Variants in DCDC1 observed in about 807,000 individuals in gnomAD.
The protein encoded by DCDC1 is doublecortin domain-containing protein 1.
DCDC1 carries 200 observed loss-of-function variants against 178.3 expected under a neutral mutation model. That is an observed-to-expected ratio of 1.12 (90% CI 1.00 to 1.26). The LOEUF is 1.26. DCDC1 is among the 50% of genes most tolerant of loss of function. DCDC1 has a pLI of 0.00. For synonymous variants in DCDC1, 690 were observed against 604.8 expected (o/e 1.14, Z -2.07); for missense variants, 1,983 against 1,749.2 (o/e 1.13, Z -2.38).
chr11:31,326,657 A>C (rs1195702352), intron 3 of DCDC1, among the ~76,000 whole-genome samples: 3 of 152,158 alleles, frequency 2.0e-5, no homozygotes, highest in Non-Finnish European at 4.4e-5. Context: ...GCTAATATGC[A>C]CTTATAGCTG....
chr11:31,338,914 T>C (rs1417623106), intron 1 of DCDC1, among the ~76,000 whole-genome samples: 1 of 152,206 alleles, frequency 6.6e-6, no homozygotes, highest in Non-Finnish European at 1.5e-5. Context: ...ATGTAAACTT[T>C]ACATTGTAAG....
chr11:31,251,206 A>C (rs1944006427), intron 8 of DCDC1, among the ~76,000 whole-genome samples: 1 of 152,222 alleles, frequency 6.6e-6, no homozygotes, highest in South Asian at 2.1e-4. Flanking sequence ...AAGTCGTTTT[A>C]TTAATTGCAG....
chr11:31,309,138 ATGTTTG>A (rs1333890499), intron 3 of DCDC1, among the ~76,000 whole-genome samples: 2,775 of 55,392 alleles, frequency 0.05, 88 homozygotes, highest in African/African-American at 0.19. Flanking sequence ...GGGAAAATAG[ATGTTTG>A]TGTGTGTGTG....
rs1450425024 is a variant in DCDC1 at position 30,863,739 on chromosome 11, A to G, written c.*1634T>C. ...GAAGTCCAGATTACGTATCCCCCAC[A>G]CCTTAAAGATTATGGAAATGAGAAA... On this transcript the variant is annotated 3_prime_UTR_variant, in exon 39 of 39. Transcript: ENST00000684477. 1 of 152,200 alleles carries G rather than the reference A, an allele frequency of 6.6e-6. No individual in the cohort carries two copies. Among genetic ancestry groups the G allele is most frequent in the Non-Finnish European group, 1.5e-5 (1 of 68,034 alleles). 9.4% of individuals were successfully genotyped at this position (152,200 alleles called of 1,614,324 possible).
intron 6 of DCDC1, among the ~76,000 whole-genome samples, chr11:31,291,669 A>G (rs1947238934): frequency 6.6e-6 from 1 of 152,204 alleles, no homozygotes; most frequent in African/African-American, 2.4e-5. Context: ...TGTGCATTCA[A>G]TTTATTTTAA....
intron 20 of DCDC1, among the ~76,000 whole-genome samples, chr11:31,007,926 A>C (rs1268446035): frequency 6.6e-6 from 1 of 151,984 alleles, no homozygotes; most frequent in Non-Finnish European, 1.5e-5. Context: ...GCCTCCCAAA[A>C]TGTTGGGATT....
intron 9 of DCDC1, among the ~76,000 whole-genome samples, chr11:31,202,691 A>C (rs1971431087): frequency 6.6e-6 from 1 of 152,196 alleles, no homozygotes; most frequent in Non-Finnish European, 1.5e-5. Context: ...GCTCAAAACC[A>C]AGATAACCAA....
intron 7 of DCDC1, among the ~76,000 whole-genome samples, chr11:31,267,262 C>G (rs1315066056): frequency 6.6e-6 from 1 of 151,932 alleles, no homozygotes. Flanking sequence ...ACGATCTCAG[C>G]TCACCGCAAC....
chr11:30,953,601 G>A (rs1226696214), intron 20 of DCDC1, among the ~76,000 whole-genome samples: 1 of 152,002 alleles, frequency 6.6e-6, no homozygotes, highest in African/African-American at 2.4e-5. Context: ...TATAATAAAG[G>A]TTCAAATAGA....
intron 20 of DCDC1, among the ~76,000 whole-genome samples, chr11:30,962,245 T>C (rs1590563512): frequency 1.3e-5 from 2 of 152,112 alleles, no homozygotes; most frequent in African/African-American, 4.8e-5. Flanking sequence ...TCTACTTTAT[T>C]TCTGGAATAT....
chr11:31,250,430 G>GTA lies in DCDC1; in HGVS notation c.1055-8816_1055-8815dup, dbSNP rs1376992040. On this transcript the variant is annotated intron_variant, in intron 8 of 38. Coordinates refer to ENST00000684477, the MANE Select transcript of DCDC1 (RefSeq NM_001387274.1). ...CACACACACACATATACATATATAT[G>GTA]TATATATATATATATCCCTGCCTGG... is the stretch of plus-strand genomic sequence containing the variant. 6.2e-3 allele frequency among the ~76,000 whole-genome samples: 525 copies of GTA among 84,850 alleles called. 86 individuals carry two copies. The highest frequency in any genetic ancestry group is 0.019 in the African/African-American group (413 of 21,558). 55.7% of individuals were successfully genotyped at this position (84,850 alleles called of 152,430 possible). A position where few individuals can be genotyped will look rare whatever the true frequency, so the allele number is the denominator to read the frequency against.
chr11:31,246,243 T>C (rs1016736060), intron 8 of DCDC1, among the ~76,000 whole-genome samples: 36 of 152,140 alleles, frequency 2.4e-4, no homozygotes, highest in African/African-American at 8.4e-4. Context: ...ATAACCATAA[T>C]TTACATAATA....
At chr11:31,177,644 A>T (rs564042619) in intron 9 of DCDC1, among the ~76,000 whole-genome samples, 1 of 152,300 alleles carries the variant, frequency 6.6e-6, no homozygotes, top group East Asian at 1.9e-4. Flanking sequence ...CCTCACAGTT[A>T]AAGACAAATA....
intron 8 of DCDC1, among the ~76,000 whole-genome samples, chr11:31,245,935 C>T (rs2136936096): frequency 6.6e-6 from 1 of 151,874 alleles, no homozygotes; most frequent in African/African-American, 2.4e-5. Context: ...ATAATGGAGG[C>T]AGTACATGAT....
At chr11:30,952,001 C>T (rs1948454020) in intron 21 of DCDC1, among the ~76,000 whole-genome samples, 1 of 151,976 alleles carries the variant, frequency 6.6e-6, no homozygotes, top group Admixed American at 6.6e-5. Flanking sequence ...CCCTCTAAAA[C>T]AGAAGAACAT....
chr11:31,123,231 C>T (rs1961068649), intron 11 of DCDC1, among the ~76,000 whole-genome samples: 1 of 151,972 alleles, frequency 6.6e-6, no homozygotes, highest in Non-Finnish European at 1.5e-5. Flanking sequence ...ATACAACAAG[C>T]CATCCCTGAA....
At chr11:31,071,470 A>C (rs181610614) in intron 18 of DCDC1, among the ~76,000 whole-genome samples, 1 of 152,268 alleles carries the variant, frequency 6.6e-6, no homozygotes, top group East Asian at 1.9e-4. Flanking sequence ...ACTGACCTGC[A>C]GGAATATTGT....
At chr11:31,200,619 T>A (rs574885938) in intron 9 of DCDC1, among the ~76,000 whole-genome samples, 1 of 152,120 alleles carries the variant, frequency 6.6e-6, no homozygotes, top group Admixed American at 6.5e-5. Context: ...CAAGCAAATA[T>A]CTACTTTTTA....
At chr11:31,248,141 C>T (rs187064497) in intron 8 of DCDC1, among the ~76,000 whole-genome samples, 1 of 152,016 alleles carries the variant, frequency 6.6e-6, no homozygotes, top group East Asian at 1.9e-4. Flanking sequence ...ATAAATCTAA[C>T]CTAAAATAGA....
Sources: gnomAD v4.1 joint callset for allele counts (sites outside exome capture counted in the v4.1 genomes callset) on GRCh38, gnomAD v4.1.1 for gene constraint, MANE v1.5 for transcripts, NCBI Gene and HGNC (gene_info 2026-07-23, HGNC 2026-07-21) for gene names.